Variants in NRXN3 observed in about 807,000 individuals in gnomAD.
NRXN3 encodes the protein neurexin III.
In NRXN3, 32 loss-of-function variants were observed where a neutral mutation model predicts 137.6. The ratio of observed to expected loss-of-function variants is 0.23; its 90% CI spans 0.18 to 0.31. The LOEUF (loss-of-function observed/expected upper bound fraction) is 0.31, where lower values mean the gene tolerates loss of function less well. Ranked by LOEUF, NRXN3 falls within the 10% of genes least tolerant of loss-of-function variation. The pLI, the probability that NRXN3 is intolerant of heterozygous loss-of-function variation, is 1.00. For missense variants in NRXN3, 1,574 were observed against 2,062.5 expected, an observed-to-expected ratio of 0.76 and a Z score of 4.59; for synonymous variants, 798 against 784.5, an observed-to-expected ratio of 1.02 and a Z score of -0.29.
At chr14:78,520,707 A>G (rs10140699) in intron 4 of NRXN3, among the ~76,000 whole-genome samples, 11,565 of 152,194 alleles carry the variant, frequency 0.076, 733 homozygotes, top group African/African-American at 0.18. Context: ...TTGTGCTAAG[A>G]CTCAAATATT....
chr14:79,064,775 G>A lies in NRXN3; in HGVS notation c.3262+76634G>A, dbSNP rs371417196. On this transcript the variant is annotated intron_variant, in intron 15 of 20. Transcript: ENST00000335750. ...TATAATTACCCATATATATGTATGT[G>A]TGTATATATATATAATTACCCATAT... Among the ~76,000 whole-genome samples the A allele has an allele frequency of 5.3e-3, 727 of 138,050 alleles. 7 individuals are homozygous for A. Among genetic ancestry groups the A allele is most frequent in the South Asian group, 0.031 (134 of 4,272 alleles). 90.6% of individuals were successfully genotyped at this position (138,050 alleles called of 152,430 possible). A position where few individuals can be genotyped will look rare whatever the true frequency, so the allele number is the denominator to read the frequency against.
chr14:78,925,748 C>T (rs1438151874), intron 10 of NRXN3, among the ~76,000 whole-genome samples: 2 of 152,122 alleles, frequency 1.3e-5, no homozygotes, highest in Non-Finnish European at 2.9e-5. Flanking sequence ...ATGCTAAGTA[C>T]GAGGCCAGTC....
intron 10 of NRXN3, among the ~76,000 whole-genome samples, chr14:78,851,533 T>C (rs1018828146): frequency 3.9e-4 from 59 of 152,310 alleles, no homozygotes; most frequent in African/African-American, 1.4e-3. Flanking sequence ...TTTTCTTCTT[T>C]GGATGCCTGT....
At chr14:79,220,344 G>T (rs1294459343) in intron 15 of NRXN3, among the ~76,000 whole-genome samples, 1 of 152,134 alleles carries the variant, frequency 6.6e-6, no homozygotes, top group Non-Finnish European at 1.5e-5. Flanking sequence ...TGAGCAGAAA[G>T]TATAGAGTTC....
At chr14:78,724,749 A>G (rs1287781005) in intron 8 of NRXN3, among the ~76,000 whole-genome samples, 3 of 152,218 alleles carry the variant, frequency 2.0e-5, no homozygotes, top group Non-Finnish European at 4.4e-5. Context: ...TTTATTTGAA[A>G]TGTTGGCAAC....
intron 6 of NRXN3, among the ~76,000 whole-genome samples, chr14:78,653,248 C>G (rs1390306255): frequency 2.0e-5 from 3 of 152,162 alleles, no homozygotes; most frequent in Non-Finnish European, 4.4e-5. Flanking sequence ...AGAGCCCTTC[C>G]TCACTGGGAT....
At chr14:79,044,583 G>A (rs964031164) in intron 15 of NRXN3, among the ~76,000 whole-genome samples, 6 of 152,164 alleles carry the variant, frequency 3.9e-5, no homozygotes, top group African/African-American at 7.2e-5. Flanking sequence ...AATTACTACT[G>A]TTGATGATAA....
intron 15 of NRXN3, among the ~76,000 whole-genome samples, chr14:79,015,678 GA>G (rs1314244722): frequency 6.6e-6 from 1 of 152,166 alleles, no homozygotes; most frequent in Non-Finnish European, 1.5e-5. Flanking sequence ...CTCATCTCAA[GA>G]AGAATGACAC....
At chr14:78,805,520 A>G (rs564360294) in intron 9 of NRXN3, among the ~76,000 whole-genome samples, 1 of 149,536 alleles carries the variant, frequency 6.7e-6, no homozygotes, top group Non-Finnish European at 1.5e-5. Flanking sequence ...GCACCATCCT[A>G]CCCACCTTAA....
intron 4 of NRXN3, among the ~76,000 whole-genome samples, chr14:78,580,733 C>T (rs1429799816): frequency 3.3e-5 from 5 of 152,208 alleles, no homozygotes; most frequent in Non-Finnish European, 7.3e-5. Flanking sequence ...TTGAATCCCT[C>T]ACTTGTATAC....
chr14:79,459,213 C>T (rs1163137361), intron 15 of NRXN3, among the ~76,000 whole-genome samples: 2 of 152,082 alleles, frequency 1.3e-5, no homozygotes, highest in Non-Finnish European at 2.9e-5. Context: ...AAGATAGTAA[C>T]TGTTATGAGC....
intron 15 of NRXN3, among the ~76,000 whole-genome samples, chr14:79,222,198 G>A (rs970038393): frequency 7.2e-5 from 11 of 152,130 alleles, no homozygotes; most frequent in African/African-American, 2.7e-4. Flanking sequence ...GATGCCCCCA[G>A]CTTTGTTCTT....
intron 10 of NRXN3, among the ~76,000 whole-genome samples, chr14:78,862,949 A>T (rs748903300): frequency 6.6e-6 from 1 of 152,156 alleles, no homozygotes; most frequent in Non-Finnish European, 1.5e-5. Context: ...TGCTTATATG[A>T]TTATCTCTGC....
intron 15 of NRXN3, among the ~76,000 whole-genome samples, chr14:79,336,749 A>G (rs1467509827): frequency 3.3e-5 from 5 of 152,190 alleles, no homozygotes; most frequent in Admixed American, 2.0e-4. Flanking sequence ...TGACTCTTTC[A>G]ACTCCTAAGG....
chr14:78,977,783 G>A (rs1178487091), intron 14 of NRXN3, among the ~76,000 whole-genome samples: 1 of 152,138 alleles, frequency 6.6e-6, no homozygotes, highest in Non-Finnish European at 1.5e-5. Context: ...GCTGGCACTG[G>A]CACAGGAATT....
At chr14:79,202,433 T>A (rs1416876737) in intron 15 of NRXN3, among the ~76,000 whole-genome samples, 1 of 152,118 alleles carries the variant, frequency 6.6e-6, no homozygotes, top group South Asian at 2.1e-4. Context: ...TTCGGTTACA[T>A]GAGTAAGTTC....
At chr14:79,102,168 ACCCTAGGAATATAATATAGTTC>A (rs2051450436) in intron 15 of NRXN3, among the ~76,000 whole-genome samples, 2 of 151,938 alleles carry the variant, frequency 1.3e-5, no homozygotes, top group African/African-American at 4.8e-5. Flanking sequence ...GTTATGGCAA[ACCCTAGGAATATAATATAGTTC>A]CCTTCTGCCC....
chr14:78,184,861 C>T (rs2060100349), intron 1 of NRXN3, among the ~76,000 whole-genome samples: 1 of 152,174 alleles, frequency 6.6e-6, no homozygotes, highest in South Asian at 2.1e-4. Context: ...TGGTCCAGCC[C>T]TTGCTGGGTG....
At chr14:78,829,970 C>G (rs552018686) in intron 10 of NRXN3, among the ~76,000 whole-genome samples, 1 of 152,152 alleles carries the variant, frequency 6.6e-6, no homozygotes, top group Non-Finnish European at 1.5e-5. Flanking sequence ...ATTCTGTGCT[C>G]TGTTAAGAAT....
Sources: allele counts gnomAD v4.1 joint callset (sites outside exome capture counted in the v4.1 genomes callset), GRCh38; gene constraint gnomAD v4.1.1; transcripts MANE v1.5; gene names NCBI Gene and HGNC (gene_info 2026-07-23, HGNC 2026-07-21).